Variants in HIVEP3 observed in about 807,000 individuals in gnomAD.
HIVEP3 encodes transcription factor HIVEP3.
Under a neutral mutation model 152.8 loss-of-function variants are expected in HIVEP3, and 49 were observed. The ratio of observed to expected loss-of-function variants is 0.32; its 90% CI spans 0.26 to 0.41. The LOEUF is 0.41. Among genes scored for constraint, HIVEP3 ranks in the 10% least tolerant of loss-of-function variants. The pLI, the probability that HIVEP3 is intolerant of heterozygous loss-of-function variation, is 1.00. For missense variants in HIVEP3, 2,790 were observed against 3,103.3 expected (o/e 0.90, Z 2.40); for synonymous variants, 1,269 against 1,289.0 (o/e 0.98, Z 0.33).
At chr1:41,847,523 T>C (rs1035252673) in intron 1 of HIVEP3, 4 of 152,268 alleles carry the variant, frequency 2.6e-5, no homozygotes, top group Non-Finnish European at 5.9e-5. Flanking sequence ...AAGTAGCTTT[T>C]TCTTCTTTTT....
At chr1:42,026,745 A>C (rs1342463182) in intron 1 of HIVEP3, among the ~76,000 whole-genome samples, 1 of 152,154 alleles carries the variant, frequency 6.6e-6, no homozygotes, top group Non-Finnish European at 1.5e-5. Context: ...GATTCTTTAC[A>C]TAACCACTCT....
intron 1 of HIVEP3, among the ~76,000 whole-genome samples, chr1:41,944,520 C>T (rs138084210): frequency 1.4e-4 from 22 of 152,236 alleles, no homozygotes; most frequent in African/African-American, 4.3e-4. Context: ...TGCATCTTGA[C>T]GGGGCAGCTG....
chr1:41,778,504 A>G (rs1029998579), intron 1 of HIVEP3, among the ~76,000 whole-genome samples: 9 of 152,226 alleles, frequency 5.9e-5, no homozygotes, highest in African/African-American at 2.2e-4. Context: ...CCCCAGGTAC[A>G]GGCTCAGCCT....
Position 41,506,493 on chromosome 1 carries a change from A to T in HIVEP3, c.*3958T>A, listed in dbSNP as rs1445779535. 1 of 152,208 alleles carries T rather than the reference A, an allele frequency of 6.6e-6. No homozygotes were observed. Among genetic ancestry groups the T allele is most frequent in the East Asian group, 1.9e-4 (1 of 5,204 alleles). 9.4% of individuals were successfully genotyped at this position (152,208 alleles called of 1,614,324 possible). ...ATACTTGTAAAAACTTCTCATTCAC[A>T]GTACAGATGTAATTTACAACAAAGG... On this transcript the variant is annotated 3_prime_UTR_variant, in exon 9 of 9. Transcript: ENST00000372583.
intron 1 of HIVEP3, among the ~76,000 whole-genome samples, chr1:41,859,576 G>C (rs1004008354): frequency 1.3e-5 from 2 of 152,182 alleles, no homozygotes; most frequent in Non-Finnish European, 2.9e-5. Flanking sequence ...TGGCCACCTA[G>C]AGCATCTCTC....
chr1:41,530,308 G>A (rs1260705653), intron 5 of HIVEP3, among the ~76,000 whole-genome samples: 6 of 152,230 alleles, frequency 3.9e-5, no homozygotes, highest in African/African-American at 1.4e-4. Context: ...GAAATGACTC[G>A]GTTCTCTTAG....
chr1:42,016,031 G>A (rs1645520376), intron 1 of HIVEP3, among the ~76,000 whole-genome samples: 1 of 152,240 alleles, frequency 6.6e-6, no homozygotes, highest in Non-Finnish European at 1.5e-5. Context: ...CCTTTGGCTA[G>A]TTACGTGGGG....
intron 1 of HIVEP3, among the ~76,000 whole-genome samples, chr1:41,766,921 A>G (rs900515369): frequency 1.3e-5 from 2 of 152,146 alleles, no homozygotes; most frequent in Non-Finnish European, 2.9e-5. Context: ...CAGTGCCCCA[A>G]CCAACCCCGC....
chr1:41,703,078 A>G (rs564343001), intron 1 of HIVEP3, among the ~76,000 whole-genome samples: 2 of 152,312 alleles, frequency 1.3e-5, no homozygotes, highest in Non-Finnish European at 2.9e-5. Context: ...TGAGAAGAAG[A>G]TAGAATAGGT....
chr1:41,954,054 CG>C (rs1557537512), intron 1 of HIVEP3, among the ~76,000 whole-genome samples: 2 of 152,100 alleles, frequency 1.3e-5, no homozygotes, highest in African/African-American at 4.8e-5. Flanking sequence ...GCAGACCACC[CG>C]AGGTGACACA....
At chr1:42,028,468 C>T (rs1046455904) in intron 1 of HIVEP3, among the ~76,000 whole-genome samples, 20 of 152,198 alleles carry the variant, frequency 1.3e-4, no homozygotes, top group Non-Finnish European at 2.9e-4. Context: ...CTACTCCATT[C>T]CACCTTTCCA....
chr1:41,919,623 T>C (rs1644923603), upstream of HIVEP3, among the ~76,000 whole-genome samples: 1 of 152,218 alleles, frequency 6.6e-6, no homozygotes, highest in Non-Finnish European at 1.5e-5. Flanking sequence ...GATTTTGTTA[T>C]TGAGTTCTGT....
chr1:41,703,180 G>A (rs1391227853), intron 1 of HIVEP3, among the ~76,000 whole-genome samples: 2 of 152,206 alleles, frequency 1.3e-5, no homozygotes, highest in Non-Finnish European at 2.9e-5. Flanking sequence ...GCCACAGTGG[G>A]AAACGGACCA....
chr1:41,635,489 T>C (rs770529996), intron 2 of HIVEP3, among the ~76,000 whole-genome samples: 32 of 147,440 alleles, frequency 2.2e-4, no homozygotes, highest in Middle Eastern at 3.5e-3. Context: ...TATATATATA[T>C]ACACACACAT....
chr1:41,834,214 A>T (rs1298693553), intron 1 of HIVEP3, among the ~76,000 whole-genome samples: 1 of 152,140 alleles, frequency 6.6e-6, no homozygotes, highest in Non-Finnish European at 1.5e-5. Flanking sequence ...GGTGATGGCC[A>T]TCTGGGTGTC....
At chr1:41,667,169 A>C (rs528509975) in intron 2 of HIVEP3, among the ~76,000 whole-genome samples, 1 of 152,276 alleles carries the variant, frequency 6.6e-6, no homozygotes, top group Admixed American at 6.5e-5. Context: ...CTGCCCCCTT[A>C]GATTCTGCAT....
At chr1:41,624,358 A>C (rs2149144493) in intron 3 of HIVEP3, among the ~76,000 whole-genome samples, 1 of 152,376 alleles carries the variant, frequency 6.6e-6, no homozygotes, top group Non-Finnish European at 1.5e-5. Flanking sequence ...CTATTCTAAC[A>C]GAAAACGAGC....
At chr1:41,772,462 C>T (rs1359608583) in intron 1 of HIVEP3, among the ~76,000 whole-genome samples, 1 of 151,940 alleles carries the variant, frequency 6.6e-6, no homozygotes, top group South Asian at 2.1e-4. Flanking sequence ...CTATGATGCA[C>T]GGGAGAGGTG....
At chr1:41,766,220 C>T (rs1001131545) in intron 1 of HIVEP3, among the ~76,000 whole-genome samples, 1 of 152,230 alleles carries the variant, frequency 6.6e-6, no homozygotes, top group Non-Finnish European at 1.5e-5. Flanking sequence ...GGGTGTCTTG[C>T]TTCCTCTGAT....
Sources: allele counts gnomAD v4.1 joint callset (sites outside exome capture counted in the v4.1 genomes callset), GRCh38; gene constraint gnomAD v4.1.1; transcripts MANE v1.5; gene names NCBI Gene and HGNC (gene_info 2026-07-23, HGNC 2026-07-21).